The following SOX6 variants were observed in gnomAD, a reference collection of about 807,000 sequenced individuals.
SOX6 encodes the protein transcription factor SOX-6.
Under a neutral mutation model 97.8 loss-of-function variants are expected in SOX6, and 11 were observed. The observed-to-expected ratio is 0.11, with a 90% CI of 0.07 to 0.19. The LOEUF (loss-of-function observed/expected upper bound fraction) is 0.19. Among genes scored for constraint, SOX6 ranks in the 10% least tolerant of loss-of-function variants. SOX6 has a pLI of 1.00. For synonymous variants in SOX6, 360 were observed against 371.4 expected (o/e 0.97, Z 0.35); for missense variants, 810 against 1,039.5 (o/e 0.78, Z 3.04).
intron 4 of SOX6, among the ~76,000 whole-genome samples, chr11:16,538,635 A>G (rs546984389): frequency 2.8e-4 from 43 of 152,216 alleles, no homozygotes; most frequent in Middle Eastern, 3.4e-3. Context: ...GAAGATCTAC[A>G]AAGCAAATGG....
intron 3 of SOX6, among the ~76,000 whole-genome samples, chr11:16,640,037 G>T (rs1197400551): frequency 6.6e-6 from 1 of 152,148 alleles, no homozygotes; most frequent in Non-Finnish European, 1.5e-5. Flanking sequence ...TGTGATACTG[G>T]CTGTGGGTTT....
intron 12 of SOX6, among the ~76,000 whole-genome samples, chr11:16,024,512 A>T (rs886288509): frequency 1.3e-5 from 2 of 151,066 alleles, no homozygotes; most frequent in African/African-American, 4.9e-5. Context: ...TTGTCCATCC[A>T]TCTATATATT....
chr11:16,047,285 G>T (rs1855862844), intron 11 of SOX6, among the ~76,000 whole-genome samples: 1 of 152,080 alleles, frequency 6.6e-6, no homozygotes, highest in South Asian at 2.1e-4. Flanking sequence ...TACCCCAGTT[G>T]CTGGCTGGTT....
chr11:16,034,033 T>C (rs1855453402), intron 12 of SOX6, among the ~76,000 whole-genome samples: 1 of 152,208 alleles, frequency 6.6e-6, no homozygotes, highest in South Asian at 2.1e-4. Flanking sequence ...AAATGTTTCT[T>C]TGAACTAGAG....
rs534896382 is a variant in SOX6, at chr11:16,044,391, G to A, written c.1623+2123C>T. Among the ~76,000 whole-genome samples the A allele has an allele frequency of 2.0e-4, 31 of 152,216 alleles. No homozygotes were observed. In the South Asian group the frequency reaches 5.0e-3, roughly 24 times the overall value. ...ATTTAAGGAAACAGATTATTCCAAC[G>A]TGAATAACTTTGAAGAGAGTTAAAC... On this transcript the variant is annotated intron_variant, in intron 12 of 15. Coordinates refer to ENST00000683767, the MANE Select transcript of SOX6 (RefSeq NM_001367873.1).
intron 4 of SOX6, among the ~76,000 whole-genome samples, chr11:16,481,441 G>A (rs1438068452): frequency 1.3e-5 from 2 of 151,934 alleles, no homozygotes; most frequent in Non-Finnish European, 2.9e-5. Flanking sequence ...ATGCTACCTA[G>A]TCCACCACTC....
At chr11:16,188,508 G>T (rs183357670) in intron 4 of SOX6, among the ~76,000 whole-genome samples, 11 of 151,920 alleles carry the variant, frequency 7.2e-5, no homozygotes, top group Non-Finnish European at 1.3e-4. Context: ...TACAAAAGCA[G>T]GTTCCCAAAA....
intron 12 of SOX6, among the ~76,000 whole-genome samples, chr11:16,018,878 A>G (rs1410672619): frequency 6.6e-6 from 1 of 152,130 alleles, no homozygotes; most frequent in Non-Finnish European, 1.5e-5. Context: ...GTAAACTGGG[A>G]CACTTAGATC....
rs1848461377 is a variant in SOX6, at chr11:16,615,567, AC to A, written n.430-3308del. Among the ~76,000 whole-genome samples, 8 of 152,312 alleles carry A rather than the reference AC, an allele frequency of 5.3e-5. No homozygotes were observed. In the South Asian group the frequency reaches 1.7e-3, roughly 32 times the overall value. Reference sequence around the variant, plus strand: ...CTATTCAGTCTATATTCTCCATTTTACCATAAACAGAATATTGAATGGCAAA... The same window carrying A: ...CTATTCAGTCTATATTCTCCATTTTACATAAACAGAATATTGAATGGCAAA... On this transcript the variant is annotated intron_variant and non_coding_transcript_variant, in intron 3 of 5. Coordinates refer to the SOX6 transcript ENST00000524520.
chr11:16,167,224 A>C (rs1327866801), intron 6 of SOX6, among the ~76,000 whole-genome samples: 1 of 152,132 alleles, frequency 6.6e-6, no homozygotes, highest in Non-Finnish European at 1.5e-5. Flanking sequence ...ATCTCAGTGA[A>C]TGTCAACTCC....
intron 1 of SOX6, among the ~76,000 whole-genome samples, chr11:16,452,941 G>A (rs1198190730): frequency 6.6e-6 from 1 of 152,128 alleles, no homozygotes; most frequent in East Asian, 1.9e-4. Flanking sequence ...ACGAATGAGG[G>A]AGATGAGTTC....
intron 1 of SOX6, among the ~76,000 whole-genome samples, chr11:16,374,191 G>A (rs1019712577): frequency 5.3e-5 from 8 of 152,106 alleles, no homozygotes; most frequent in Middle Eastern, 6.8e-3. Context: ...CCTATGAACT[G>A]AACTGGGAAT....
upstream of SOX6, among the ~76,000 whole-genome samples, chr11:16,481,324 A>T (rs1048932811): frequency 1.3e-5 from 2 of 152,138 alleles, no homozygotes; most frequent in African/African-American, 2.4e-5. Flanking sequence ...TATTTTTTTT[A>T]AATGCAGTTG....
intron 4 of SOX6, among the ~76,000 whole-genome samples, chr11:16,565,823 G>A (rs191562221): frequency 5.1e-4 from 78 of 151,774 alleles, no homozygotes; most frequent in Non-Finnish European, 5.3e-4. Flanking sequence ...TAGGCCGGGC[G>A]CAGTGGCTCA....
At chr11:16,721,496 T>TTCTG (rs1564877203) in intron 2 of SOX6, among the ~76,000 whole-genome samples, 2 of 115,166 alleles carry the variant, frequency 1.7e-5, no homozygotes, top group Admixed American at 9.9e-5. Flanking sequence ...GGTGGGTCTT[T>TTCTG]TCTGTCTCTC....
chr11:16,494,407 A>G (rs1027805036), intron 4 of SOX6, among the ~76,000 whole-genome samples: 2 of 152,174 alleles, frequency 1.3e-5, no homozygotes, highest in African/African-American at 4.8e-5. Context: ...AATAAATAAA[A>G]TGAATGAGAA....
chr11:16,651,230 CA>C (rs1012348250), intron 3 of SOX6, among the ~76,000 whole-genome samples: 22 of 151,724 alleles, frequency 1.5e-4, no homozygotes, highest in African/African-American at 4.6e-4. Flanking sequence ...AAACTATTCC[CA>C]AAAAAATACA....
intron 4 of SOX6, among the ~76,000 whole-genome samples, chr11:16,191,806 G>A (rs1449069449): frequency 6.6e-6 from 1 of 151,292 alleles, no homozygotes; most frequent in Non-Finnish European, 1.5e-5. Context: ...ACTATAAACT[G>A]TATCTGTTCT....
chr11:16,433,549 A>C (rs73433552), intron 1 of SOX6, among the ~76,000 whole-genome samples: 122 of 152,190 alleles, frequency 8.0e-4, no homozygotes, highest in African/African-American at 2.6e-3. Context: ...ACTTATAGTT[A>C]TATTTTGGTT....
Sources: gnomAD v4.1 joint callset for allele counts (sites outside exome capture counted in the v4.1 genomes callset) on GRCh38, gnomAD v4.1.1 for gene constraint, MANE v1.5 for transcripts, NCBI Gene and HGNC (gene_info 2026-07-23, HGNC 2026-07-21) for gene names.